PIP4K2A: variants seen among roughly 807,000 people sequenced by gnomAD.
PIP4K2A encodes phosphatidylinositol-5-phosphate 4-kinase type 2 alpha.
Under a neutral mutation model 42.9 loss-of-function variants are expected in PIP4K2A, and 14 were observed. That is an observed-to-expected ratio of 0.33 (90% CI 0.22 to 0.51). PIP4K2A has a LOEUF of 0.51. PIP4K2A is among the 20% of genes least tolerant of loss of function. The pLI is 0.97. For synonymous variants in PIP4K2A, 192 were observed against 192.2 expected, an observed-to-expected ratio of 1.00 and a Z score of 0.01; for missense variants, 434 against 519.8, an observed-to-expected ratio of 0.83 and a Z score of 1.61.
At chr10:22,639,573 T>A (rs1838735936) in intron 1 of PIP4K2A, among the ~76,000 whole-genome samples, 1 of 151,542 alleles carries the variant, frequency 6.6e-6, no homozygotes, top group Non-Finnish European at 1.5e-5. Flanking sequence ...GAACATAGAG[T>A]GTGCACAATT....
intron 7 of PIP4K2A, among the ~76,000 whole-genome samples, chr10:22,550,079 T>G (rs1836365985): frequency 6.6e-6 from 1 of 152,118 alleles, no homozygotes; most frequent in East Asian, 1.9e-4. Flanking sequence ...TCTATGTCTC[T>G]CCACTGTCCC....
chr10:22,667,946 C>CAG (rs1839381394), intron 1 of PIP4K2A, among the ~76,000 whole-genome samples: 1 of 76,056 alleles, frequency 1.3e-5, no homozygotes, highest in Non-Finnish European at 3.0e-5. Flanking sequence ...GACAGAGAGA[C>CAG]AGAGAGAGAG....
intron 1 of PIP4K2A, among the ~76,000 whole-genome samples, chr10:22,637,420 A>T (rs373301299): frequency 6.6e-6 from 1 of 152,226 alleles, no homozygotes; most frequent in East Asian, 1.9e-4. Context: ...TACTTTTAGC[A>T]TCAAGACCAG....
intron 1 of PIP4K2A, among the ~76,000 whole-genome samples, chr10:22,616,695 T>TAA (rs111976859): frequency 2.0e-5 from 3 of 147,726 alleles, no homozygotes; most frequent in Non-Finnish European, 4.5e-5. Flanking sequence ...ATTCCTTATT[T>TAA]AAAAAAAAAA....
intron 1 of PIP4K2A, among the ~76,000 whole-genome samples, chr10:22,645,088 A>C (rs1001747685): frequency 6.6e-6 from 1 of 152,242 alleles, no homozygotes; most frequent in Non-Finnish European, 1.5e-5. Context: ...AATTGGTCAG[A>C]ATTGACTTTT....
chr10:22,539,272 T>C (rs973154818), intron 9 of PIP4K2A, among the ~76,000 whole-genome samples: 5 of 152,202 alleles, frequency 3.3e-5, no homozygotes, highest in Non-Finnish European at 5.9e-5. Context: ...CTGAAGCTAT[T>C]TTCCTCAGTT....
intron 1 of PIP4K2A, among the ~76,000 whole-genome samples, chr10:22,680,977 T>A (rs1839648187): frequency 6.6e-6 from 1 of 152,096 alleles, no homozygotes; most frequent in Non-Finnish European, 1.5e-5. Context: ...ATAGCCCTTA[T>A]CCCAGAGACT....
At chr10:22,625,807 A>C (rs1373833949) in intron 1 of PIP4K2A, among the ~76,000 whole-genome samples, 3 of 152,178 alleles carry the variant, frequency 2.0e-5, no homozygotes, top group Non-Finnish European at 4.4e-5. Context: ...ACTGTCAAAA[A>C]CCTTTCACAT....
intron 4 of PIP4K2A, among the ~76,000 whole-genome samples, chr10:22,574,818 G>A (rs1286262673): frequency 6.6e-6 from 1 of 152,138 alleles, no homozygotes; most frequent in African/African-American, 2.4e-5. Flanking sequence ...TTTTGCTAAT[G>A]CAAAACAGGC....
chr10:22,684,585 G>A (rs1410657951), intron 1 of PIP4K2A, among the ~76,000 whole-genome samples: 1 of 152,048 alleles, frequency 6.6e-6, no homozygotes, highest in Non-Finnish European at 1.5e-5. Context: ...CATTCTATTA[G>A]TGAAACATAA....
rs117931916 is a variant in PIP4K2A at position 22,683,509 on chromosome 10, T to C, written c.144+30674A>G. On this transcript the variant is annotated intron_variant, in intron 1 of 9. Transcript: ENST00000376573. ...CATCTGTCAAATGTGAATAATGACT[T>C]GTCCCCAGCCTTCTCCTCAGTGCTG... is the stretch of plus-strand genomic sequence containing the variant. 1.9e-3 allele frequency among the ~76,000 whole-genome samples: 290 copies of C among 152,312 alleles called. 2 individuals carry two copies. In the East Asian group the frequency reaches 0.028, roughly 14 times the overall value.
intron 1 of PIP4K2A, among the ~76,000 whole-genome samples, chr10:22,692,309 C>A (rs1194115159): frequency 1.3e-5 from 2 of 151,984 alleles, no homozygotes; most frequent in African/African-American, 4.8e-5. Flanking sequence ...AGAGCTCAGG[C>A]GGTAATGTGA....
At position 22,537,122 on chromosome 10, in the gene PIP4K2A, A is replaced by G. The variant is rs1640580474; in HGVS notation, c.*79T>C. 1.2e-5 allele frequency: 13 copies of G among 1,060,620 alleles called. No individual in the cohort carries two copies. The South Asian group carries it at 1.7e-4, about 14-fold the overall frequency. 65.7% of individuals were successfully genotyped at this position (1,060,620 alleles called of 1,614,324 possible). ...TTCCTGCAAGATGAGTACTTCACTG[A>G]GTTTGGTTTTCATTTTTCCTACACC... On this transcript the variant is annotated 3_prime_UTR_variant, in exon 10 of 10. Coordinates refer to ENST00000376573, the MANE Select transcript of PIP4K2A (RefSeq NM_005028.5).
At chr10:22,584,331 AAAGATT>A (rs1027353721) in intron 4 of PIP4K2A, among the ~76,000 whole-genome samples, 4 of 152,172 alleles carry the variant, frequency 2.6e-5, no homozygotes, top group African/African-American at 7.2e-5. Flanking sequence ...TAAAAAAAAA[AAAGATT>A]AGAACAGTTG....
intron 4 of PIP4K2A, among the ~76,000 whole-genome samples, chr10:22,580,129 G>T (rs1588639796): frequency 6.6e-6 from 1 of 151,756 alleles, no homozygotes; most frequent in African/African-American, 2.4e-5. Flanking sequence ...GACACGGGTT[G>T]TATCTTTAAT....
At chr10:22,707,221 C>T (rs956161187) in intron 1 of PIP4K2A, among the ~76,000 whole-genome samples, 1 of 152,208 alleles carries the variant, frequency 6.6e-6, no homozygotes, top group Non-Finnish European at 1.5e-5. Flanking sequence ...ATCCATATAA[C>T]AAACTTCCAA....
chr10:22,690,427 T>G (rs1411494697), intron 1 of PIP4K2A, among the ~76,000 whole-genome samples: 1 of 152,244 alleles, frequency 6.6e-6, no homozygotes, highest in Non-Finnish European at 1.5e-5. Flanking sequence ...TTGGAAATCA[T>G]TAACTCCACT....
At chr10:22,575,950 A>C (rs535582315) in intron 4 of PIP4K2A, among the ~76,000 whole-genome samples, 86 of 152,098 alleles carry the variant, frequency 5.7e-4, no homozygotes, top group South Asian at 1.2e-3. Flanking sequence ...AAAAAAAACA[A>C]AAAAGAAAAA....
chr10:22,639,270 C>T (rs543440259), intron 1 of PIP4K2A, among the ~76,000 whole-genome samples: 5 of 151,512 alleles, frequency 3.3e-5, no homozygotes, highest in South Asian at 2.1e-4. Context: ...TTATCATGCA[C>T]GTAACAAAAC....
Sources: gnomAD v4.1 joint callset for allele counts (sites outside exome capture counted in the v4.1 genomes callset) on GRCh38, gnomAD v4.1.1 for gene constraint, MANE v1.5 for transcripts, NCBI Gene and HGNC (gene_info 2026-07-23, HGNC 2026-07-21) for gene names.